GRID2: variants seen among roughly 807,000 people sequenced by gnomAD.
GRID2 encodes the protein glutamate ionotropic receptor delta type subunit 2.
A neutral mutation model predicts 114.8 loss-of-function variants in GRID2; 33 were observed. The ratio of observed to expected loss-of-function variants is 0.29; its 90% CI spans 0.22 to 0.38. GRID2 has a LOEUF of 0.38. Ranked by LOEUF, GRID2 falls within the 10% of genes least tolerant of loss-of-function variation. The pLI, the probability that GRID2 is intolerant of heterozygous loss-of-function variation, is 1.00. For synonymous variants in GRID2, 505 were observed against 449.9 expected (o/e 1.12, Z -1.55); for missense variants, 1,184 against 1,257.7 (o/e 0.94, Z 0.89).
chr4:93,715,867 A>G (rs1728860988), intron 14 of GRID2, among the ~76,000 whole-genome samples: 1 of 152,194 alleles, frequency 6.6e-6, no homozygotes, highest in African/African-American at 2.4e-5. Flanking sequence ...GAATCATGTC[A>G]TCTTCAAACA....
At chr4:93,057,855 A>C (rs776442778) in intron 2 of GRID2, among the ~76,000 whole-genome samples, 1 of 151,970 alleles carries the variant, frequency 6.6e-6, no homozygotes, top group Admixed American at 6.6e-5. Context: ...TTGCTAGGCA[A>C]TTCCGTCAAA....
At chr4:93,048,244 G>A (rs757808630) in intron 2 of GRID2, among the ~76,000 whole-genome samples, 5 of 152,018 alleles carry the variant, frequency 3.3e-5, no homozygotes, top group Admixed American at 6.6e-5. Context: ...AATTTTTGGC[G>A]CATACAGGAA....
chr4:93,403,193 T>C (rs1444949453), intron 9 of GRID2, among the ~76,000 whole-genome samples: 1 of 152,092 alleles, frequency 6.6e-6, no homozygotes, highest in East Asian at 1.9e-4. Context: ...GAATGACAAC[T>C]CTGGCTGAGG....
intron 1 of GRID2, among the ~76,000 whole-genome samples, chr4:92,572,181 T>TA (rs1415809856): frequency 6.6e-6 from 1 of 151,806 alleles, no homozygotes. Context: ...ATAGATGCAA[T>TA]AAAAAATGAT....
At chr4:92,496,078 T>G (rs150581098) in intron 1 of GRID2, among the ~76,000 whole-genome samples, 116 of 152,086 alleles carry the variant, frequency 7.6e-4, no homozygotes, top group African/African-American at 2.7e-3. Flanking sequence ...ATTATTATTT[T>G]CAAATAAGTA....
rs1734673259 is a variant in GRID2, at chr4:93,790,449, A to G, written c.222-16266A>G. Among the ~76,000 whole-genome samples, 2 of 152,140 alleles carry G rather than the reference A, an allele frequency of 1.3e-5. 1 individual carries two copies. The highest frequency in any genetic ancestry group is 2.9e-5 in the Non-Finnish European group (2 of 67,990). On this transcript the variant is annotated intron_variant, in intron 1 of 1. Transcript: ENST00000637838. ...ATTTCCAGAAGTTCACTTCCAAGTC[A>G]TTTATTTTAAACACATAATGCATTA...
At chr4:93,697,088 C>T (rs186051061) in intron 14 of GRID2, among the ~76,000 whole-genome samples, 39 of 152,160 alleles carry the variant, frequency 2.6e-4, no homozygotes, top group Non-Finnish European at 4.4e-4. Flanking sequence ...AATGGTTTTA[C>T]AAATATTAGG....
At chr4:93,018,724 A>G (rs146854053) in intron 2 of GRID2, among the ~76,000 whole-genome samples, 4 of 152,116 alleles carry the variant, frequency 2.6e-5, no homozygotes, top group Non-Finnish European at 5.9e-5. Flanking sequence ...AAAAATCCCA[A>G]ATCCTTTCTT....
chr4:92,729,554 C>G (rs1452812692), intron 2 of GRID2, among the ~76,000 whole-genome samples: 1 of 151,976 alleles, frequency 6.6e-6, no homozygotes, highest in African/African-American at 2.4e-5. Context: ...TGAAGCATTT[C>G]TTGTACTGTT....
chr4:93,693,677 A>G (rs1201739644), intron 14 of GRID2, among the ~76,000 whole-genome samples: 3 of 152,192 alleles, frequency 2.0e-5, no homozygotes, highest in Non-Finnish European at 4.4e-5. Flanking sequence ...AATTATTATT[A>G]ATACTGTATT....
chr4:92,388,930 A>T (rs557780692), intron 1 of GRID2, among the ~76,000 whole-genome samples: 4 of 152,094 alleles, frequency 2.6e-5, no homozygotes, highest in African/African-American at 9.7e-5. Flanking sequence ...AAATGTGGAA[A>T]TATTATATAC....
At chr4:93,617,131 G>A (rs1010980961) in intron 13 of GRID2, among the ~76,000 whole-genome samples, 3 of 152,144 alleles carry the variant, frequency 2.0e-5, no homozygotes, top group Admixed American at 6.5e-5. Context: ...ATTCAAGTAA[G>A]ATCTGAAAGA....
intron 14 of GRID2, among the ~76,000 whole-genome samples, chr4:93,768,390 G>C (rs1733846227): frequency 1.3e-5 from 2 of 152,168 alleles, no homozygotes; most frequent in Non-Finnish European, 2.9e-5. Context: ...AGAAGCACTG[G>C]GAATTGAGAA....
chr4:93,480,928 G>A (rs1004484987), intron 11 of GRID2, among the ~76,000 whole-genome samples: 1 of 109,868 alleles, frequency 9.1e-6, no homozygotes, highest in Non-Finnish European at 2.4e-5. Flanking sequence ...CAGGGAGGTT[G>A]TATATAGGTT....
intron 1 of GRID2, among the ~76,000 whole-genome samples, chr4:93,784,793 C>A (rs1734558965): frequency 6.6e-6 from 1 of 151,870 alleles, no homozygotes; most frequent in African/African-American, 2.4e-5. Context: ...AAAAGTGATA[C>A]AATGTATTAC....
chr4:93,197,725 C>T (rs146124386), intron 4 of GRID2, among the ~76,000 whole-genome samples: 12 of 152,204 alleles, frequency 7.9e-5, no homozygotes, highest in African/African-American at 2.6e-4. Flanking sequence ...TTCAGCTCAT[C>T]AGGAACCTGA....
chr4:93,522,331 T>C (rs1388115630), intron 13 of GRID2, among the ~76,000 whole-genome samples: 1 of 152,140 alleles, frequency 6.6e-6, no homozygotes, highest in Non-Finnish European at 1.5e-5. Context: ...ATCAAAGAGA[T>C]AGTAAACTAC....
At chr4:92,844,698 T>C in intron 2 of GRID2, among the ~76,000 whole-genome samples, 1 of 141,512 alleles carries the variant, frequency 7.1e-6, no homozygotes, top group Non-Finnish European at 1.5e-5. Flanking sequence ...AGAGCAAGAC[T>C]CTGTCTCAAA....
intron 13 of GRID2, among the ~76,000 whole-genome samples, chr4:93,624,657 G>T (rs1742533870): frequency 6.6e-6 from 1 of 152,004 alleles, no homozygotes; most frequent in African/African-American, 2.4e-5. Flanking sequence ...AACCAATGTT[G>T]CTTTTCCTTG....
Sources: gnomAD v4.1 joint callset for allele counts (sites outside exome capture counted in the v4.1 genomes callset) on GRCh38, gnomAD v4.1.1 for gene constraint, MANE v1.5 for transcripts, NCBI Gene and HGNC (gene_info 2026-07-23, HGNC 2026-07-21) for gene names.